ZNF142: variants seen among roughly 807,000 people sequenced by gnomAD.
ZNF142 encodes the protein zinc finger protein 142, also known as zinc finger protein 142 (clone pHZ-49).
In ZNF142, 96 loss-of-function variants were observed where a neutral mutation model predicts 132.1. The observed-to-expected ratio is 0.73, with a 90% CI of 0.62 to 0.86. The LOEUF (loss-of-function observed/expected upper bound fraction) is 0.86, where lower values mean the gene tolerates loss of function less well. ZNF142 is among the 40% of genes least tolerant of loss of function. The probability of loss-of-function intolerance (pLI) is 0.00; values close to 1 mark genes in which losing one functional copy is unlikely to be tolerated. For synonymous variants in ZNF142, 842 were observed against 890.1 expected (o/e 0.95, Z 0.96); for missense variants, 2,163 against 2,336.2 (o/e 0.93, Z 1.53).
chr2:218,639,961 C>G (rs1697037828), intron 10 of ZNF142, among the ~76,000 whole-genome samples: 1 of 136,446 alleles, frequency 7.3e-6, no homozygotes, highest in African/African-American at 2.7e-5. Flanking sequence ...GAGGCTAAGG[C>G]AGGAGAATGG....
Position 218,634,364 on chromosome 2 carries a change from C to G in ZNF142, c.*3975G>C. 6.4e-7 allele frequency: 1 copy of G among 1,556,842 alleles called. No individual in the cohort carries two copies. Among genetic ancestry groups the G allele is most frequent in the South Asian group, 1.2e-5 (1 of 84,112 alleles). On this transcript the variant is annotated 3_prime_UTR_variant, in exon 11 of 11. Transcript: ENST00000411696. This position sits in a 1 kb window ranked among gnomAD's most constrained non-coding sequence, Gnocchi z 4.0. Reference sequence around the variant, plus strand: ...ATCAGTGGATATTACCAGCAGGTACCGTGCACCCAGTACCTATCTTCTTAA... The same window carrying G: ...ATCAGTGGATATTACCAGCAGGTACGGTGCACCCAGTACCTATCTTCTTAA...
rs1347194571 is a variant in ZNF142 at position 218,636,702 on chromosome 2, A to T, written c.*1637T>A. On this transcript the variant is annotated 3_prime_UTR_variant, in exon 11 of 11. Transcript: ENST00000411696. Reference sequence around the variant, plus strand: ...CTTTGGATTGTGCATTCCTAGGCACAAAATTACCTCATTCTTCCTAACAAG... The same window carrying T: ...CTTTGGATTGTGCATTCCTAGGCACTAAATTACCTCATTCTTCCTAACAAG... 2.0e-6 allele frequency: 2 copies of T among 1,006,108 alleles called. No individual in the cohort carries two copies. The highest frequency in any genetic ancestry group is 3.0e-6 in the Non-Finnish European group (2 of 673,948). The allele number at this position is 1,006,108 out of a possible 1,614,324, so 62.3% of individuals were successfully genotyped here.
At chr2:218,656,707 G>A (rs1938543095) in intron 3 of ZNF142, among the ~76,000 whole-genome samples, 1 of 152,088 alleles carries the variant, frequency 6.6e-6, no homozygotes, top group Non-Finnish European at 1.5e-5. Context: ...ATTAATGACT[G>A]CAGGTTGTCT....
chr2:218,656,388 G>A lies in ZNF142; in HGVS notation c.42C>T (p.Thr14=), dbSNP rs577080256. The A allele has an allele frequency of 7.8e-5, 112 of 1,443,380 alleles. 1 individual carries two copies. The South Asian group carries it at 1.5e-3, about 19-fold the overall frequency. 89.4% of individuals were successfully genotyped at this position (1,443,380 alleles called of 1,614,324 possible). A position where few individuals can be genotyped will look rare whatever the true frequency, so the allele number is the denominator to read the frequency against. ...CAGGGCACAGTCCATCCATCTCCCCGGTGCTACTGGCTGGCTGTGAGTCCA... is the reference window on the plus strand; with the variant it reads ...CAGGGCACAGTCCATCCATCTCCCCAGTGCTACTGGCTGGCTGTGAGTCCA... ...PLLDSQPASS[T]GEMDGLCPEL... is the part of the protein sequence containing the mutation. Residue 14 remains threonine (T), a synonymous_variant, in exon 4 of 11, where the codon ACC becomes ACT. Transcript: ENST00000411696.
Position 218,643,767 on chromosome 2 carries a change from C to A in ZNF142, c.3349G>T (p.Ala1117Ser). ...TTCCCACTTTCTGTGTCCTCTGAGGCCTGGGTACCTGGGAGCACAGGTTGC... is the reference window on the plus strand; with the variant it reads ...TTCCCACTTTCTGTGTCCTCTGAGGACTGGGTACCTGGGAGCACAGGTTGC... ...PLQPVLPGTQ[A>S]SEDTESGKPP... The change falls in exon 9 of 11, where the codon GCC becomes TCC. Residue 1117 changes from alanine (A) to serine (S), a missense_variant. By Grantham distance (99) the Ala-to-Ser change is moderately conservative. Coordinates refer to ENST00000411696, the MANE Select transcript of ZNF142 (RefSeq NM_001379659.1). The A allele has an allele frequency of 1.2e-6, 2 of 1,611,048 alleles. No homozygotes were observed. The highest frequency in any genetic ancestry group is 1.7e-6 in the Non-Finnish European group (2 of 1,178,538).
chr2:218,653,591 T>A lies in ZNF142; in HGVS notation c.281-1291A>T, dbSNP rs75635392. 1.2e-3 allele frequency among the ~76,000 whole-genome samples: 172 copies of A among 144,142 alleles called. 1 individual carries two copies. The highest frequency in any genetic ancestry group is 4.6e-3 in the African/African-American group (161 of 35,268). 94.6% of individuals were successfully genotyped at this position (144,142 alleles called of 152,430 possible). A position where few individuals can be genotyped will look rare whatever the true frequency, so the allele number is the denominator to read the frequency against. On this transcript the variant is annotated intron_variant, in intron 4 of 10. Transcript: ENST00000411696. The stretch of plus-strand genomic sequence containing the variant: ...ACTCTATCTCAAAAAAAAAAAAAAA[T>A]TTCAGTGCAACATCTAAAATGATAC...
intron 3 of ZNF142, among the ~76,000 whole-genome samples, chr2:218,657,743 CTCTTA>C (rs1284361921): frequency 1.3e-5 from 2 of 152,016 alleles, no homozygotes; most frequent in Admixed American, 1.3e-4. Flanking sequence ...CTTCCCGAAA[CTCTTA>C]TCTTCTCTCT....
Position 218,643,733 on chromosome 2 carries a change from G to A in ZNF142, c.3383C>T (p.Pro1128Leu). 6.2e-7 allele frequency: 1 copy of A among 1,608,678 alleles called. No homozygotes were observed. Among genetic ancestry groups the A allele is most frequent in the South Asian group, 1.1e-5 (1 of 90,330 alleles). ...CAGTAGCTCTGCTTCTTGTGATGCA[G>A]GTGGGGGCTTCCCACTTTCTGTGTC... ...SEDTESGKPP[P>L]ASQEAELLLP... Residue 1128 changes from proline (P) to leucine (L), a missense_variant, in exon 9 of 11, where the codon CCT becomes CTT. By Grantham distance (98) the Pro-to-Leu change is moderately conservative (BLOSUM62 -3). Around this residue, in one of 7 missense-constraint regions of ZNF142, gnomAD observed 809 missense variants for 801.7 expected, o/e 1.01. Transcript: ENST00000411696.
chr2:218,645,428 G>A (rs773029574), intron 8 of ZNF142, among the ~76,000 whole-genome samples: 14 of 152,140 alleles, frequency 9.2e-5, no homozygotes, highest in Non-Finnish European at 1.6e-4. Context: ...CAACTCCACA[G>A]GGCAGGTTTC....
rs1438711608 is a variant in ZNF142, at chr2:218,648,837, T to G, written c.1671A>C (p.Leu557=). 3.1e-6 allele frequency: 5 copies of G among 1,614,236 alleles called. No individual in the cohort carries two copies. Among genetic ancestry groups the G allele is most frequent in the Non-Finnish European group, 4.2e-6 (5 of 1,180,044 alleles). The change falls in exon 7 of 11, where the codon CTA becomes CTC. Residue 557 remains leucine (L), a synonymous_variant. Coordinates refer to ENST00000411696, the MANE Select transcript of ZNF142 (RefSeq NM_001379659.1). ...HCDFACSNKH[L]FRKHKKQGHP... Reference sequence around the variant, plus strand: ...GGCCCTGCTTCTTGTGTTTACGGAATAGGTGCTTATTGGAACAAGCAAAAT... The same window carrying G: ...GGCCCTGCTTCTTGTGTTTACGGAAGAGGTGCTTATTGGAACAAGCAAAAT...
rs1323668796 is a variant in ZNF142, at chr2:218,642,257, C to T, written c.4859G>A (p.Gly1620Asp). ...AAAGGGGCAGTGTAGCGGGGGCTGG[C>T]CAGCATCCCCATCCCCATCTGAGGC... Reference protein sequence around the residue: ...VAASDGDGDAGQPPLHCPFCD... With the variant: ...VAASDGDGDADQPPLHCPFCD... Residue 1620 changes from glycine to aspartate, a missense_variant, in exon 9 of 11, where the codon GGC becomes GAC. Gly to Asp is a moderately conservative substitution (Grantham distance 94). This residue lies in a region of ZNF142 where 325 missense variants were observed against 367.8 expected (regional missense o/e 0.88). Transcript: ENST00000411696. This position sits in a 1 kb window ranked among gnomAD's most constrained non-coding sequence, Gnocchi z 4.6. 1 of 1,613,988 alleles carries T rather than the reference C, an allele frequency of 6.2e-7. No homozygotes were observed.
At chr2:218,645,796 T>C (rs551859273) in intron 8 of ZNF142, among the ~76,000 whole-genome samples, 8 of 152,348 alleles carry the variant, frequency 5.3e-5, no homozygotes, top group Admixed American at 1.3e-4. Context: ...AGAGTCTTAC[T>C]CTGTCACCCA....
chr2:218,643,301 C>T lies in ZNF142; in HGVS notation c.3815G>A (p.Ser1272Asn). 1 of 1,614,224 alleles carries T rather than the reference C, an allele frequency of 6.2e-7. No individual in the cohort carries two copies. Among genetic ancestry groups the T allele is most frequent in the Non-Finnish European group, 8.5e-7 (1 of 1,180,036 alleles). Residue 1272 changes from serine (S) to asparagine (N), a missense_variant, in exon 9 of 11, where the codon AGC (serine) becomes AAC (asparagine). By Grantham distance (46) the Ser-to-Asn change is conservative. Coordinates refer to ENST00000411696, the MANE Select transcript of ZNF142 (RefSeq NM_001379659.1). ...CTTCGGGGGAGCAGAGTCCCCATTGCTCAACGGGGACACATCAGGCTGGGT... is the reference window on the plus strand; with the variant it reads ...CTTCGGGGGAGCAGAGTCCCCATTGTTCAACGGGGACACATCAGGCTGGGT... Reference protein sequence around the residue: ...PQTQPDVSPLSNGDSAPPKNG... With the variant: ...PQTQPDVSPLNNGDSAPPKNG...
intron 3 of ZNF142, among the ~76,000 whole-genome samples, chr2:218,657,081 G>A (rs1426289059): frequency 6.6e-6 from 1 of 152,180 alleles, no homozygotes; most frequent in African/African-American, 2.4e-5. Context: ...GCCTCCCAAA[G>A]TGCTGGGATT....
Position 218,635,926 on chromosome 2 carries a change from A to G in ZNF142, c.*2413T>C. 1 of 1,614,050 alleles carries G rather than the reference A, an allele frequency of 6.2e-7. No homozygotes were observed. Among genetic ancestry groups the G allele is most frequent in the South Asian group, 1.1e-5 (1 of 91,072 alleles). On this transcript the variant is annotated 3_prime_UTR_variant, in exon 11 of 11. Coordinates refer to ENST00000411696, the MANE Select transcript of ZNF142 (RefSeq NM_001379659.1). ...CGGCAGGAGACCAACTATGTGGAGA[A>G]CAATGGTGAGAAACTGGCAGTGCTG... is the stretch of plus-strand genomic sequence containing the variant.
At position 218,636,144 on chromosome 2, in the gene ZNF142, T is replaced by C; in HGVS notation, c.*2195A>G. On this transcript the variant is annotated 3_prime_UTR_variant, in exon 11 of 11. Transcript: ENST00000411696. ...TGAGCCTTTTTCCTTACCTGTAAAA[T>C]GCTGATTGCCATCTAGATTAAATGA... 1 of 1,421,830 alleles carries C rather than the reference T, an allele frequency of 7.0e-7. No homozygotes were observed. The highest frequency in any genetic ancestry group is 9.8e-7 in the Non-Finnish European group (1 of 1,021,224). The allele number at this position is 1,421,830 out of a possible 1,614,324, so 88.1% of individuals were successfully genotyped here.
chr2:218,651,934 T>A lies in ZNF142; in HGVS notation c.647A>T (p.Gln216Leu), dbSNP rs1229847068. Residue 216 changes from glutamine (Q) to leucine (L), a missense_variant, in exon 5 of 11, where the codon CAG (glutamine) becomes CTG (leucine). Physicochemically the swap from Gln to Leu is moderately radical, Grantham distance 113. Around this residue, in one of 7 missense-constraint regions of ZNF142, gnomAD observed 195 missense variants for 172.4 expected, o/e 1.13. Transcript: ENST00000411696. ...DRKGLQHHLR[Q>L]THRAVPVPCS... is the part of the protein sequence containing the mutation. ...GGGCACAGGAACTGCTCTGTGAGTC[T>A]GCCTCAGGTGGTGCTGCAGACCCTT... is the stretch of plus-strand genomic sequence containing the variant. 3.3e-6 allele frequency: 4 copies of A among 1,200,364 alleles called. No homozygotes were observed. Among genetic ancestry groups the A allele is most frequent in the Non-Finnish European group, 4.4e-6 (4 of 907,148 alleles). The allele number at this position is 1,200,364 out of a possible 1,614,324, so 74.4% of individuals were successfully genotyped here. A position where few individuals can be genotyped will look rare whatever the true frequency, so the allele number is the denominator to read the frequency against.
chr2:218,634,405 G>C lies in ZNF142; in HGVS notation c.*3934C>G. 6.3e-7 allele frequency: 1 copy of C among 1,586,752 alleles called. No homozygotes were observed. Among genetic ancestry groups the C allele is most frequent in the Non-Finnish European group, 8.6e-7 (1 of 1,165,644 alleles). ...ATCTTCTTAACTCCCTGAAAGAGGG[G>C]CTGGAAGGCCTCCATGGTGAATCTT... On this transcript the variant is annotated 3_prime_UTR_variant, in exon 11 of 11. Transcript: ENST00000411696. This position sits in a 1 kb window ranked among gnomAD's most constrained non-coding sequence, Gnocchi z 4.0.
rs371176474 is a variant in ZNF142 at position 218,644,893 on chromosome 2, G to A, written c.2223C>T (p.Ala741=). The A allele has an allele frequency of 6.2e-7, 1 of 1,614,072 alleles. No individual in the cohort carries two copies. Among genetic ancestry groups the A allele is most frequent in the Non-Finnish European group, 8.5e-7 (1 of 1,179,960 alleles). The part of the protein sequence containing the change: ...MASQHHPGTP[A]PLYPCHYCSY... ...TGCAGTAGTGGCAAGGGTAGAGTGG[G>A]GCCGGTGTGCCAGGGTGGTGCTGGG... Residue 741 remains alanine, a synonymous_variant, in exon 9 of 11, where the codon GCC becomes GCT. Transcript: ENST00000411696. This position sits in a 1 kb window ranked among gnomAD's most constrained non-coding sequence, Gnocchi z 4.6.
Sources: allele counts gnomAD v4.1 joint callset (sites outside exome capture counted in the v4.1 genomes callset), GRCh38; gene constraint gnomAD v4.1.1; regional missense constraint gnomAD v4.1.1; non-coding constraint Gnocchi (gnomAD v3.1); transcripts MANE v1.5; gene names NCBI Gene and HGNC (gene_info 2026-07-23, HGNC 2026-07-21).